TMC7: variants seen among roughly 807,000 people sequenced by gnomAD.
TMC7 encodes transmembrane channel like 7.
In TMC7, 54 loss-of-function variants were observed where a neutral mutation model predicts 82.9. That is an observed-to-expected ratio of 0.65 (90% CI 0.52 to 0.82). The LOEUF (loss-of-function observed/expected upper bound fraction) is 0.82. TMC7 is among the 40% of genes least tolerant of loss of function. The pLI is 0.00. For synonymous variants in TMC7, 350 were observed against 337.9 expected (o/e 1.04, Z -0.39); for missense variants, 820 against 901.2 (o/e 0.91, Z 1.15).
At chr16:19,012,508 G>T (rs1959415737) in intron 2 of TMC7, among the ~76,000 whole-genome samples, 1 of 151,948 alleles carries the variant, frequency 6.6e-6, no homozygotes, top group Non-Finnish European at 1.5e-5. Flanking sequence ...GGCAAAGAAG[G>T]CTGGGTGCGG....
intron 1 of TMC7, among the ~76,000 whole-genome samples, chr16:18,985,992 C>T (rs368158487): frequency 2.0e-5 from 3 of 151,894 alleles, no homozygotes; most frequent in African/African-American, 7.2e-5. Context: ...ATGATTATGA[C>T]ACTGGGCTCC....
At chr16:18,990,358 G>A (rs1015575362) in intron 1 of TMC7, among the ~76,000 whole-genome samples, 14 of 152,090 alleles carry the variant, frequency 9.2e-5, no homozygotes, top group African/African-American at 3.4e-4. Context: ...CTGACAGTGT[G>A]ATCTTGGCTC....
chr16:19,030,590 T>A (rs1596765961), intron 6 of TMC7, among the ~76,000 whole-genome samples: 3 of 151,554 alleles, frequency 2.0e-5, no homozygotes, highest in Admixed American at 2.0e-4. Context: ...TTTTTTTTTT[T>A]TTTTTCCAGA....
At chr16:19,060,570 T>C (rs1961958795) in intron 15 of TMC7, among the ~76,000 whole-genome samples, 1 of 151,812 alleles carries the variant, frequency 6.6e-6, no homozygotes, top group Non-Finnish European at 1.5e-5. Context: ...AGGATGAAAG[T>C]AAGAGGCAAA....
chr16:19,056,424 A>G (rs1961774028), intron 13 of TMC7, 118 bp from the exon 14 acceptor site: 1 of 1,226,992 alleles, frequency 8.2e-7, no homozygotes. Flanking sequence ...CAGAAGGCCC[A>G]GGAGGTTAGG....
At chr16:19,045,864 G>C (rs1961252997) in intron 11 of TMC7, among the ~76,000 whole-genome samples, 1 of 151,970 alleles carries the variant, frequency 6.6e-6, no homozygotes, top group East Asian at 1.9e-4. Context: ...CCAAAGTGCT[G>C]GGATTATAGG....
intron 5 of TMC7, among the ~76,000 whole-genome samples, chr16:19,025,218 G>A (rs564240881): frequency 6.6e-6 from 1 of 152,100 alleles, no homozygotes; most frequent in Non-Finnish European, 1.5e-5. Flanking sequence ...ATGTTTCCTA[G>A]TGGACAAAAT....
chr16:19,041,283 C>T (rs1329539384), intron 9 of TMC7, among the ~76,000 whole-genome samples: 4 of 152,154 alleles, frequency 2.6e-5, no homozygotes, highest in East Asian at 1.9e-4. Context: ...TTGCTAATCT[C>T]GTTTCCATCC....
intron 2 of TMC7, among the ~76,000 whole-genome samples, chr16:19,012,720 C>T (rs763226410): frequency 2.6e-5 from 3 of 115,990 alleles, no homozygotes; most frequent in African/African-American, 3.3e-5. Flanking sequence ...ACCCAGGAGG[C>T]GGAGGTTGCA....
At chr16:18,995,883 C>T (rs2039035561) in intron 1 of TMC7, among the ~76,000 whole-genome samples, 1 of 152,028 alleles carries the variant, frequency 6.6e-6, no homozygotes, top group African/African-American at 2.4e-5. Context: ...AATAAGACAG[C>T]CTTCCTCCTG....
rs1203888469 is a variant in TMC7 at position 19,037,162 on chromosome 16, G to A, written c.1006-712G>A. On this transcript the variant is annotated intron_variant, in intron 7 of 15. Coordinates refer to ENST00000304381, the MANE Select transcript of TMC7 (RefSeq NM_024847.4). ...CTGTAATCCAGCACTTTGGGAGGCC[G>A]AGGCAGGTCAGGGTCAGGAGATTGA... Among the ~76,000 whole-genome samples the A allele has an allele frequency of 3.3e-5, 5 of 151,942 alleles. No individual in the cohort carries two copies. The East Asian group carries it at 5.8e-4, about 18-fold the overall frequency.
At chr16:19,012,923 TCTC>T in intron 2 of TMC7, among the ~76,000 whole-genome samples, 1 of 150,102 alleles carries the variant, frequency 6.7e-6, no homozygotes, top group East Asian at 2.0e-4. Context: ...TTCAAGCAAT[TCTC>T]CTGCCTCAGC....
At chr16:19,004,155 C>T (rs902500100) in intron 1 of TMC7, among the ~76,000 whole-genome samples, 9 of 151,260 alleles carry the variant, frequency 6.0e-5, no homozygotes, top group African/African-American at 1.9e-4. Flanking sequence ...TATATGCAAA[C>T]GAGGGGGTGG....
At chr16:19,051,838 A>G (rs746207806) in intron 13 of TMC7, 22 bp downstream of exon 13, 1 of 1,613,114 alleles carries the variant, frequency 6.2e-7, no homozygotes, top group Non-Finnish European at 8.5e-7. Context: ...TTTGTTTTCT[A>G]GAACATTTCA....
At position 18,989,596 on chromosome 16, in the gene TMC7, C is replaced by T. The variant is rs1350453264; in HGVS notation, c.67+5466C>T. 4.9e-5 allele frequency among the ~76,000 whole-genome samples: 7 copies of T among 142,190 alleles called. No individual in the cohort carries two copies. The East Asian group carries it at 9.8e-4, about 20-fold the overall frequency. The allele number at this position is 142,190 out of a possible 152,430, so 93.3% of individuals were successfully genotyped here. ...GGAAGGGAAGAAAATGGGCCCTGAG[C>T]GATCACCACATACCAGGCCCTGGGG... On this transcript the variant is annotated intron_variant, in intron 1 of 15. Coordinates refer to ENST00000304381, the MANE Select transcript of TMC7 (RefSeq NM_024847.4).
At chr16:19,027,233 T>C (rs891041556) in intron 5 of TMC7, among the ~76,000 whole-genome samples, 1 of 150,482 alleles carries the variant, frequency 6.6e-6, no homozygotes, top group African/African-American at 2.5e-5. Flanking sequence ...GACGCCCAGC[T>C]AAATTTTGTT....
At chr16:19,046,590 C>T (rs1435781983) in intron 11 of TMC7, among the ~76,000 whole-genome samples, 1 of 152,082 alleles carries the variant, frequency 6.6e-6, no homozygotes, top group Non-Finnish European at 1.5e-5. Flanking sequence ...AATCCTAGCA[C>T]TGGGGAGGCC....
At chr16:19,058,188 T>C (rs1215731844) in intron 14 of TMC7, among the ~76,000 whole-genome samples, 1 of 152,076 alleles carries the variant, frequency 6.6e-6, no homozygotes, top group Non-Finnish European at 1.5e-5. Context: ...GGTCAGGAGT[T>C]CGAGAGCAGC....
intron 1 of TMC7, among the ~76,000 whole-genome samples, chr16:18,991,062 T>C (rs2038942368): frequency 2.0e-5 from 3 of 151,860 alleles, no homozygotes; most frequent in Admixed American, 2.0e-4. Context: ...TTGGGGGTGG[T>C]ATGGAGAGAT....
Sources: gnomAD v4.1 joint callset for allele counts (sites outside exome capture counted in the v4.1 genomes callset) on GRCh38, gnomAD v4.1.1 for gene constraint, MANE v1.5 for transcripts, NCBI Gene and HGNC (gene_info 2026-07-23, HGNC 2026-07-21) for gene names.